Variants in C5 observed in about 807,000 individuals in gnomAD.
The protein encoded by C5 is complement C5.
A neutral mutation model predicts 218.8 loss-of-function variants in C5; 140 were observed. That is an observed-to-expected ratio of 0.64 (90% confidence interval 0.56 to 0.74). The LOEUF (loss-of-function observed/expected upper bound fraction) is 0.74. Ranked by LOEUF, C5 falls within the 30% of genes least tolerant of loss-of-function variation. C5 has a pLI of 0.00. For missense variants in C5, 1,700 were observed against 1,969.6 expected, an observed-to-expected ratio of 0.86 and a Z score of 2.59; for synonymous variants, 614 against 682.3, an observed-to-expected ratio of 0.90 and a Z score of 1.56.
intron 22 of C5, 74 bp downstream of exon 22, chr9:120,996,166 T>A: frequency 1.8e-6 from 2 of 1,104,264 alleles, no homozygotes; most frequent in Non-Finnish European, 2.8e-6. Context: ...TGAAAAATAG[T>A]GTTTTAAGTT....
intron 27 of C5, among the ~76,000 whole-genome samples, chr9:120,980,684 A>G (rs2046986121): frequency 6.6e-6 from 1 of 151,494 alleles, no homozygotes; most frequent in African/African-American, 2.4e-5. Flanking sequence ...TCCGCCTCCC[A>G]GGTTCACGCC....
intron 18 of C5, among the ~76,000 whole-genome samples, chr9:121,007,330 T>C (rs943843904): frequency 3.9e-5 from 6 of 152,206 alleles, no homozygotes; most frequent in Admixed American, 2.0e-4. Flanking sequence ...CAAAACAAAG[T>C]TGACATAACT....
rs917203083 is a variant in C5, at chr9:120,995,597, T to A, written c.2851+643A>T. ...CATGTTAATTATGTAAATGACTTTT[T>A]CTTAGGTGTTCTTTGGACTGTTGGC... On this transcript the variant is annotated intron_variant, in intron 22 of 40. Transcript: ENST00000223642. Among the ~76,000 whole-genome samples, 8 of 152,228 alleles carry A rather than the reference T, an allele frequency of 5.3e-5. 2 individuals are homozygous for A. In the South Asian group the frequency reaches 1.5e-3, roughly 28 times the overall value.
intron 9 of C5, among the ~76,000 whole-genome samples, chr9:121,024,235 A>G (rs1308157717): frequency 4.4e-4 from 2 of 4,496 alleles, no homozygotes; most frequent in Non-Finnish European, 4.0e-4. Context: ...GAGGGAGGGG[A>G]GGGGAGGGGG....
At chr9:120,994,710 G>C (rs2047103365) in intron 22 of C5, among the ~76,000 whole-genome samples, 1 of 152,042 alleles carries the variant, frequency 6.6e-6, no homozygotes, top group African/African-American at 2.4e-5. Context: ...CTAAACCCAA[G>C]TTGCCTAAAA....
intron 11 of C5, among the ~76,000 whole-genome samples, chr9:121,021,298 C>A (rs1002541570): frequency 6.6e-6 from 1 of 152,076 alleles, no homozygotes; most frequent in East Asian, 1.9e-4. Context: ...AATTAACTCC[C>A]AAATAAAAAA....
At chr9:120,975,502 A>T (rs970130609) in intron 29 of C5, among the ~76,000 whole-genome samples, 1 of 152,190 alleles carries the variant, frequency 6.6e-6, no homozygotes. Flanking sequence ...TTGGTCCCCA[A>T]TGTGGCAGTG....
Position 121,013,880 on chromosome 9 carries a change from T to TC in C5, c.2249dup (p.Arg751LysfsTer42). ...AGAAAATGTCATACTTACGTAGCCT[T>TC]CCCAATTGCATGTCTTTATGAGAGA... is the stretch of plus-strand genomic sequence containing the variant. On this transcript the variant is annotated frameshift_variant, in exon 17 of 41. Transcript: ENST00000223642. LOFTEE classifies it high-confidence loss of function. The TC allele has an allele frequency of 6.2e-7, 1 of 1,613,820 alleles. No homozygotes were observed.
intron 31 of C5, among the ~76,000 whole-genome samples, chr9:120,971,171 CAAAAAAA>C (rs1156915974): frequency 1.7e-5 from 1 of 57,952 alleles, no homozygotes; most frequent in Non-Finnish European, 3.6e-5. Context: ...GACTCCATCT[CAAAAAAA>C]AAAAAAAAAA....
intron 18 of C5, 146 bp from the exon 19 acceptor site, chr9:121,007,123 C>A: frequency 1.5e-6 from 1 of 682,004 alleles, no homozygotes; most frequent in Middle Eastern, 3.8e-4. Context: ...TTAAGGAAAA[C>A]CTCATCAAGA....
intron 19 of C5, 72 bp downstream of exon 19, chr9:121,006,832 G>C: frequency 9.3e-7 from 1 of 1,070,798 alleles, no homozygotes; most frequent in East Asian, 2.4e-5. Context: ...AAACTAAATA[G>C]ATACTAACAA....
chr9:121,026,711 A>T lies in C5; in HGVS notation c.873+449T>A, dbSNP rs558719523. Among the ~76,000 whole-genome samples, 3 of 152,312 alleles carry T rather than the reference A, an allele frequency of 2.0e-5. No individual in the cohort carries two copies. In the East Asian group the frequency reaches 5.8e-4, roughly 29 times the overall value. ...TGAAATGTGAAGAATGTGTTAAGAAAAGAGGCTATACAGCCGGGGCAGCTA... is the reference window on the plus strand; with the variant it reads ...TGAAATGTGAAGAATGTGTTAAGAATAGAGGCTATACAGCCGGGGCAGCTA... On this transcript the variant is annotated intron_variant, in intron 8 of 40. Coordinates refer to ENST00000223642, the MANE Select transcript of C5 (RefSeq NM_001735.3).
chr9:120,986,144 C>T (rs2047031222), intron 25 of C5, among the ~76,000 whole-genome samples: 1 of 152,116 alleles, frequency 6.6e-6, no homozygotes, highest in South Asian at 2.1e-4. Flanking sequence ...CTTTTCCTCC[C>T]ACCAACCTTA....
At chr9:121,007,878 G>GT (rs1377119555) in intron 18 of C5, among the ~76,000 whole-genome samples, 1 of 152,160 alleles carries the variant, frequency 6.6e-6, no homozygotes, top group Admixed American at 6.5e-5. Context: ...AAGGAGATGC[G>GT]TGAGGAGACA....
chr9:121,051,333 A>G (rs2047669894), upstream of C5, among the ~76,000 whole-genome samples: 2 of 152,100 alleles, frequency 1.3e-5, no homozygotes, highest in South Asian at 2.1e-4. Flanking sequence ...CGTGTTGGCC[A>G]GGCTGGTCTC....
At chr9:121,064,423 C>CA in the C5 span, among the ~76,000 whole-genome samples, 27 of 152,198 alleles carry the variant, frequency 1.8e-4, no homozygotes, top group East Asian at 5.2e-3. Flanking sequence ...AAACTGTTAA[C>CA]AAAAATACAT....
At chr9:121,029,065 T>A (rs1276051094) in intron 7 of C5, among the ~76,000 whole-genome samples, 2 of 152,224 alleles carry the variant, frequency 1.3e-5, no homozygotes, top group Non-Finnish European at 2.9e-5. Flanking sequence ...CACTGTTATA[T>A]GAGATCTATT....
In C5 at chr9:121,043,124, A is replaced by G. The variant is rs1240046243; in HGVS notation, c.301T>C (p.Tyr101His). The G allele has an allele frequency of 2.5e-6, 4 of 1,613,330 alleles. No homozygotes were observed. The African/African-American group carries it at 5.3e-5, about 22-fold the overall frequency. ...QLPGGQNPVS[Y>H]VYLEVVSKHF... ...TTTGATACAACTTCCAAATACACAT[A>G]AGAAACTGGGTTTTGTCCTCCAGGC... Residue 101 changes from tyrosine to histidine, a missense_variant, in exon 3 of 41, where the codon TAT (tyrosine) becomes CAT (histidine). Transcript: ENST00000223642.
intron 10 of C5, among the ~76,000 whole-genome samples, chr9:121,022,306 T>C (rs978528991): frequency 2.0e-5 from 3 of 151,346 alleles, no homozygotes; most frequent in Non-Finnish European, 2.9e-5. Context: ...GCCATATATA[T>C]ATATATATAC....
Sources: gnomAD v4.1 joint callset for allele counts (sites outside exome capture counted in the v4.1 genomes callset) on GRCh38, gnomAD v4.1.1 for gene constraint, MANE v1.5 for transcripts, NCBI Gene and HGNC (gene_info 2026-07-23, HGNC 2026-07-21) for gene names.